The following NELL2 variants were observed in gnomAD, a reference collection of about 807,000 sequenced individuals.
NELL2 encodes protein kinase C-binding protein NELL2.
In NELL2, 41 loss-of-function variants were observed where a neutral mutation model predicts 109.6. The ratio of observed to expected loss-of-function variants is 0.37; its 90% CI spans 0.29 to 0.49. NELL2 has a LOEUF of 0.49. NELL2 is among the 20% of genes least tolerant of loss of function. NELL2 has a pLI of 0.98. For missense variants in NELL2, 900 were observed against 1,008.3 expected (o/e 0.89, Z 1.45); for synonymous variants, 355 against 344.7 (o/e 1.03, Z -0.33).
chr12:44,771,073 T>G (rs1481574717), intron 9 of NELL2, among the ~76,000 whole-genome samples: 1 of 152,210 alleles, frequency 6.6e-6, no homozygotes, highest in Non-Finnish European at 1.5e-5. Context: ...GACCTCATTC[T>G]ATTTCAGAGT....
intron 2 of NELL2, among the ~76,000 whole-genome samples, chr12:44,820,241 G>A (rs1372771399): frequency 6.6e-6 from 1 of 152,142 alleles, no homozygotes; most frequent in African/African-American, 2.4e-5. Context: ...GTCCAGGAAG[G>A]ACTTGATGAG....
chr12:44,713,229 G>C (rs142491755), intron 10 of NELL2, among the ~76,000 whole-genome samples: 7,269 of 147,778 alleles, frequency 0.049, 618 homozygotes, highest in African/African-American at 0.18. Context: ...GAGAGACAGA[G>C]AGAGAGAGAG....
At chr12:44,690,341 T>C (rs1049309021) in intron 12 of NELL2, among the ~76,000 whole-genome samples, 3 of 152,302 alleles carry the variant, frequency 2.0e-5, no homozygotes, top group East Asian at 1.9e-4. Flanking sequence ...AGATGATAAA[T>C]TAATAAACTC....
chr12:44,553,901 G>C (rs1382685455), intron 15 of NELL2, among the ~76,000 whole-genome samples: 1 of 152,056 alleles, frequency 6.6e-6, no homozygotes, highest in Non-Finnish European at 1.5e-5. Context: ...GCACACATCT[G>C]TGCATTTAAG....
chr12:44,855,077 A>AT (rs1259273587), intron 2 of NELL2, among the ~76,000 whole-genome samples: 3 of 152,126 alleles, frequency 2.0e-5, no homozygotes, highest in Non-Finnish European at 2.9e-5. Context: ...TATTAATGAG[A>AT]TTTTATATTT....
chr12:44,644,608 G>GTGTGTATATATATATATA (rs1461808442), intron 13 of NELL2, among the ~76,000 whole-genome samples: 8 of 90,828 alleles, frequency 8.8e-5, no homozygotes, highest in African/African-American at 3.2e-4. Flanking sequence ...ATATATGTAT[G>GTGTGTATATATATATATA]TATATATATA....
intron 9 of NELL2, among the ~76,000 whole-genome samples, chr12:44,730,648 G>C (rs535962479): frequency 6.6e-6 from 1 of 152,026 alleles, no homozygotes; most frequent in African/African-American, 2.4e-5. Flanking sequence ...AAAAAGGGAA[G>C]TTTATAGGGG....
intron 9 of NELL2, among the ~76,000 whole-genome samples, chr12:44,731,697 T>C (rs910666964): frequency 2.0e-5 from 3 of 152,100 alleles, no homozygotes; most frequent in Non-Finnish European, 4.4e-5. Flanking sequence ...AGCAAGTTTG[T>C]TCACTTTTAG....
At chr12:44,594,302 TTA>T (rs953863647) in intron 15 of NELL2, among the ~76,000 whole-genome samples, 7 of 150,698 alleles carry the variant, frequency 4.6e-5, no homozygotes, top group South Asian at 2.1e-4. Flanking sequence ...TAAAAATATA[TTA>T]TATATATATA....
At chr12:44,699,850 G>T (rs1378416888) in intron 12 of NELL2, among the ~76,000 whole-genome samples, 1 of 152,034 alleles carries the variant, frequency 6.6e-6, no homozygotes, top group Non-Finnish European at 1.5e-5. Context: ...TTTCAGCCAT[G>T]AGTTTGCTAT....
intron 3 of NELL2, among the ~76,000 whole-genome samples, chr12:44,806,913 TG>T (rs1943020579): frequency 6.6e-6 from 1 of 151,634 alleles, no homozygotes; most frequent in South Asian, 2.1e-4. Context: ...GATACAAAAA[TG>T]GTGTTGGAAT....
intron 19 of NELL2, among the ~76,000 whole-genome samples, chr12:44,512,645 G>C (rs566451150): frequency 6.6e-6 from 1 of 152,150 alleles, no homozygotes; most frequent in Non-Finnish European, 1.5e-5. Flanking sequence ...CCAGACATAA[G>C]AAGAATGAAA....
At chr12:44,761,193 C>T (rs1461269916) in intron 9 of NELL2, among the ~76,000 whole-genome samples, 1 of 152,102 alleles carries the variant, frequency 6.6e-6, no homozygotes, top group Non-Finnish European at 1.5e-5. Flanking sequence ...GAAACCCCAT[C>T]TCTACTAAAA....
intron 9 of NELL2, among the ~76,000 whole-genome samples, chr12:44,770,617 A>G (rs1385783736): frequency 1.3e-5 from 2 of 152,204 alleles, no homozygotes; most frequent in Non-Finnish European, 2.9e-5. Context: ...TGAAACTCTG[A>G]CCTTGCTCAA....
chr12:44,601,168 A>G (rs1209527502), intron 15 of NELL2, among the ~76,000 whole-genome samples: 1 of 151,708 alleles, frequency 6.6e-6, no homozygotes, highest in Non-Finnish European at 1.5e-5. Flanking sequence ...TTCCTCTTAC[A>G]TTTTCTCCAT....
chr12:44,888,166 G>T (rs1014458006), intron 1 of NELL2, among the ~76,000 whole-genome samples: 2 of 151,922 alleles, frequency 1.3e-5, no homozygotes. Flanking sequence ...ATCTATATCT[G>T]GGTCCACTAC....
At chr12:44,863,315 G>A (rs1030334221) in intron 2 of NELL2, among the ~76,000 whole-genome samples, 7 of 152,188 alleles carry the variant, frequency 4.6e-5, no homozygotes, top group African/African-American at 1.7e-4. Context: ...AAGGTCAACA[G>A]TCTTCAATCA....
chr12:44,587,307 A>ATATATATTT (rs1302978950), intron 15 of NELL2, among the ~76,000 whole-genome samples: 13 of 96,640 alleles, frequency 1.3e-4, no homozygotes, highest in African/African-American at 4.6e-4. Context: ...ATATATATAT[A>ATATATATTT]TTTTTTTTTA....
At position 44,820,897 on chromosome 12, in the gene NELL2, T is replaced by C. The variant is rs199903665; in HGVS notation, c.185-4761A>G. On this transcript the variant is annotated intron_variant, in intron 2 of 19. Transcript: ENST00000429094. ...GAGAGGTTAAAGTTGACAATATAGG[T>C]TTAGAAGTCACCAGACTGTGTTACC... Among the ~76,000 whole-genome samples the C allele has an allele frequency of 3.3e-5, 5 of 151,376 alleles. No individual in the cohort carries two copies. In the East Asian group the frequency reaches 9.9e-4, roughly 30 times the overall value.
Sources: allele counts gnomAD v4.1 joint callset (sites outside exome capture counted in the v4.1 genomes callset), GRCh38; gene constraint gnomAD v4.1.1; transcripts MANE v1.5; gene names NCBI Gene and HGNC (gene_info 2026-07-23, HGNC 2026-07-21).